The following ZNF385D variants were observed in gnomAD, a reference collection of about 807,000 sequenced individuals.
ZNF385D encodes the protein zinc finger protein 659.
A neutral mutation model predicts 35.8 loss-of-function variants in ZNF385D; 15 were observed. The ratio of observed to expected loss-of-function variants is 0.42; its 90% CI spans 0.28 to 0.64. The LOEUF (loss-of-function observed/expected upper bound fraction) is 0.64, where lower values mean the gene tolerates loss of function less well. ZNF385D is among the 30% of genes least tolerant of loss of function. ZNF385D has a pLI of 0.23. For missense variants in ZNF385D, 474 were observed against 494.6 expected, an observed-to-expected ratio of 0.96 and a Z score of 0.39; for synonymous variants, 212 against 186.8, an observed-to-expected ratio of 1.13 and a Z score of -1.10.
intron 2 of ZNF385D, among the ~76,000 whole-genome samples, chr3:22,300,551 G>T (rs1702845130): frequency 6.6e-6 from 1 of 151,846 alleles, no homozygotes; most frequent in Non-Finnish European, 1.5e-5. Context: ...CTGAAAAGAA[G>T]TTAGCACCCA....
At chr3:21,466,351 T>C (rs6780415) in intron 4 of ZNF385D, among the ~76,000 whole-genome samples, 64 of 152,320 alleles carry the variant, frequency 4.2e-4, no homozygotes, top group African/African-American at 1.5e-3. Context: ...GTTTATTCTT[T>C]TCCTTGAAAA....
chr3:21,905,689 A>AAT (rs4044583), intron 3 of ZNF385D, among the ~76,000 whole-genome samples: 7,395 of 148,708 alleles, frequency 0.05, 234 homozygotes, highest in African/African-American at 0.072. Context: ...CATCTGTGGT[A>AAT]ATATATATAT....
At chr3:21,442,924 T>C (rs1575153385) in intron 4 of ZNF385D, among the ~76,000 whole-genome samples, 1 of 136,228 alleles carries the variant, frequency 7.3e-6, no homozygotes, top group Non-Finnish European at 1.6e-5. Flanking sequence ...TGTTGAGAGG[T>C]TGGAAGATAT....
At chr3:22,359,375 G>T (rs143515365) in intron 2 of ZNF385D, among the ~76,000 whole-genome samples, 108 of 151,878 alleles carry the variant, frequency 7.1e-4, no homozygotes, top group African/African-American at 2.6e-3. Context: ...TTTTTAAAAA[G>T]TTTGCATTTT....
At chr3:21,767,336 T>C (rs1229853735) in intron 3 of ZNF385D, among the ~76,000 whole-genome samples, 3 of 151,788 alleles carry the variant, frequency 2.0e-5, no homozygotes. Flanking sequence ...TCTTTCTCCT[T>C]TTAGCTCAAC....
intron 5 of ZNF385D, among the ~76,000 whole-genome samples, chr3:21,429,843 C>G (rs2125213765): frequency 6.6e-6 from 1 of 152,192 alleles, no homozygotes; most frequent in African/African-American, 2.4e-5. Flanking sequence ...TAGTTACCAT[C>G]ATATTGACAA....
chr3:21,968,688 C>T (rs972028752), intron 3 of ZNF385D, among the ~76,000 whole-genome samples: 1 of 152,202 alleles, frequency 6.6e-6, no homozygotes, highest in African/African-American at 2.4e-5. Context: ...GACTAGAGAG[C>T]TCTTGGGCCC....
chr3:22,159,355 C>T (rs1202239861), intron 3 of ZNF385D, among the ~76,000 whole-genome samples: 1 of 152,038 alleles, frequency 6.6e-6, no homozygotes, highest in Non-Finnish European at 1.5e-5. Context: ...ATTTTCACTT[C>T]ATCTAGCTCT....
At chr3:22,128,313 C>A (rs1411876163) in intron 3 of ZNF385D, among the ~76,000 whole-genome samples, 1 of 152,086 alleles carries the variant, frequency 6.6e-6, no homozygotes, top group Non-Finnish European at 1.5e-5. Flanking sequence ...TTCTTAGAAT[C>A]TTTCCCTTAT....
chr3:21,543,482 T>TG (rs2062255630), intron 3 of ZNF385D, among the ~76,000 whole-genome samples: 1 of 152,112 alleles, frequency 6.6e-6, no homozygotes, highest in African/African-American at 2.4e-5. Flanking sequence ...CCCCACTCCT[T>TG]GCGGGGCTGG....
At chr3:22,080,675 T>C (rs1167134514) in intron 3 of ZNF385D, among the ~76,000 whole-genome samples, 1 of 152,150 alleles carries the variant, frequency 6.6e-6, no homozygotes, top group Non-Finnish European at 1.5e-5. Flanking sequence ...ATATTCTGAA[T>C]GTTTTTTGTC....
chr3:21,790,949 A>C (rs952901026), intron 3 of ZNF385D, among the ~76,000 whole-genome samples: 14 of 152,288 alleles, frequency 9.2e-5, no homozygotes, highest in East Asian at 1.9e-4. Context: ...TGTTACAACA[A>C]GGGGTAAGGA....
At chr3:21,444,078 C>CTTTT (rs1559452367) in intron 4 of ZNF385D, among the ~76,000 whole-genome samples, 2 of 126,790 alleles carry the variant, frequency 1.6e-5, no homozygotes, top group African/African-American at 3.6e-5. Flanking sequence ...CTGGATTTCC[C>CTTTT]TCTTTTTTTT....
chr3:22,063,422 C>T (rs1699785350), intron 3 of ZNF385D, among the ~76,000 whole-genome samples: 1 of 152,028 alleles, frequency 6.6e-6, no homozygotes, highest in Non-Finnish European at 1.5e-5. Flanking sequence ...CTAAAAGTAT[C>T]ATGATACAAA....
intron 1 of ZNF385D, among the ~76,000 whole-genome samples, chr3:21,744,114 A>G (rs1393417752): frequency 6.6e-6 from 1 of 152,168 alleles, no homozygotes; most frequent in Non-Finnish European, 1.5e-5. Context: ...CTTAACAGTC[A>G]CTAGCTTTGT....
At chr3:22,046,490 AT>A (rs973532927) in intron 3 of ZNF385D, among the ~76,000 whole-genome samples, 4 of 152,216 alleles carry the variant, frequency 2.6e-5, no homozygotes, top group East Asian at 3.9e-4. Flanking sequence ...TCTACTAGAC[AT>A]TTTTTTCCCA....
At chr3:21,957,538 C>G (rs1402056824) in intron 3 of ZNF385D, among the ~76,000 whole-genome samples, 1 of 152,082 alleles carries the variant, frequency 6.6e-6, no homozygotes, top group African/African-American at 2.4e-5. Flanking sequence ...GCAAAGGTGA[C>G]TCTTGTTTTG....
At chr3:22,101,973 A>G (rs1701966720) in intron 3 of ZNF385D, among the ~76,000 whole-genome samples, 1 of 151,412 alleles carries the variant, frequency 6.6e-6, no homozygotes, top group Non-Finnish European at 1.5e-5. Flanking sequence ...CATAGGATCT[A>G]GTATCCTACT....
intron 3 of ZNF385D, among the ~76,000 whole-genome samples, chr3:21,791,087 A>G (rs1478258142): frequency 1.3e-5 from 2 of 152,240 alleles, no homozygotes; most frequent in Non-Finnish European, 2.9e-5. Flanking sequence ...TTATAGCTCT[A>G]AAAATCACAA....
Sources: allele counts gnomAD v4.1 joint callset (sites outside exome capture counted in the v4.1 genomes callset), GRCh38; gene constraint gnomAD v4.1.1; transcripts MANE v1.5; gene names NCBI Gene and HGNC (gene_info 2026-07-23, HGNC 2026-07-21).